Variants in KIF6 observed in about 807,000 individuals in gnomAD.
The protein encoded by KIF6 is kinesin family member 6.
In KIF6, 106 loss-of-function variants were observed where a neutral mutation model predicts 112.7. The observed-to-expected ratio is 0.94, with a 90% CI of 0.80 to 1.11. KIF6 has a LOEUF of 1.11. KIF6 is among the 50% of genes least tolerant of loss of function. The probability of loss-of-function intolerance (pLI) is 0.00; values close to 1 mark genes in which losing one functional copy is unlikely to be tolerated. For missense variants in KIF6, 929 were observed against 964.0 expected (o/e 0.96, Z 0.48); for synonymous variants, 339 against 339.9 (o/e 1.00, Z 0.03).
chr6:39,391,530 G>A (rs1309644210), intron 15 of KIF6, among the ~76,000 whole-genome samples: 3 of 152,182 alleles, frequency 2.0e-5, no homozygotes, highest in South Asian at 2.1e-4. Context: ...GTACTGTTAC[G>A]GAGCAGTCAC....
intron 13 of KIF6, among the ~76,000 whole-genome samples, chr6:39,452,960 G>A (rs767837035): frequency 1.3e-5 from 2 of 152,218 alleles, no homozygotes; most frequent in African/African-American, 4.8e-5. Flanking sequence ...GGTCAAGGAA[G>A]AAACATCTTT....
intron 3 of KIF6, among the ~76,000 whole-genome samples, chr6:39,659,462 T>G (rs1276390068): frequency 6.6e-6 from 1 of 152,190 alleles, no homozygotes; most frequent in Non-Finnish European, 1.5e-5. Context: ...ACCTTATTAA[T>G]GAATGATCAA....
At chr6:39,628,870 C>G (rs1323844667) in intron 5 of KIF6, among the ~76,000 whole-genome samples, 1 of 152,052 alleles carries the variant, frequency 6.6e-6, no homozygotes, top group African/African-American at 2.4e-5. Context: ...AATCACTGAT[C>G]ATTTCACTGT....
chr6:39,494,326 A>G (rs1255968366), intron 13 of KIF6, among the ~76,000 whole-genome samples: 1 of 152,244 alleles, frequency 6.6e-6, no homozygotes, highest in Non-Finnish European at 1.5e-5. Flanking sequence ...GGATGTTTAT[A>G]CATTAAGAAG....
chr6:39,672,209 T>G (rs890303908), intron 3 of KIF6, among the ~76,000 whole-genome samples: 6 of 152,228 alleles, frequency 3.9e-5, no homozygotes, highest in African/African-American at 1.4e-4. Context: ...CTCAAATTCC[T>G]GTGCTCAAGT....
rs1396568142 is a variant in KIF6 at position 39,346,140 on chromosome 6, T to C, written c.2231+336A>G. ...CCCTCTCCCTCCCTCTCCCTCTCTC[T>C]CTCTCTCTCTCTCTCTCTCTCTTTC... is the stretch of plus-strand genomic sequence containing the variant. On this transcript the variant is annotated intron_variant, in intron 20 of 22. Coordinates refer to ENST00000287152, the MANE Select transcript of KIF6 (RefSeq NM_145027.6). Among the ~76,000 whole-genome samples, 40 of 114,672 alleles carry C rather than the reference T, an allele frequency of 3.5e-4. 4 individuals carry two copies. The highest frequency in any genetic ancestry group is 1.2e-3 in the African/African-American group (36 of 29,678). The allele number at this position is 114,672 out of a possible 152,430, so 75.2% of individuals were successfully genotyped here. A position where few individuals can be genotyped will look rare whatever the true frequency, so the allele number is the denominator to read the frequency against.
intron 6 of KIF6, among the ~76,000 whole-genome samples, chr6:39,609,382 T>A (rs1783080568): frequency 6.6e-6 from 1 of 152,182 alleles, no homozygotes; most frequent in Admixed American, 6.5e-5. Flanking sequence ...ATACAGCATA[T>A]TATTGCTCCA....
chr6:39,364,040 C>G (rs1190370022), intron 16 of KIF6, among the ~76,000 whole-genome samples: 1 of 152,020 alleles, frequency 6.6e-6, no homozygotes, highest in Non-Finnish European at 1.5e-5. Context: ...TCTTCTTAAT[C>G]TGATGGTCCC....
chr6:39,379,100 T>C (rs74536884), intron 16 of KIF6, among the ~76,000 whole-genome samples: 6,891 of 152,306 alleles, frequency 0.045, 497 homozygotes, highest in African/African-American at 0.16. Flanking sequence ...CTGGCTTGTA[T>C]TTAGTTCCAG....
intron 16 of KIF6, among the ~76,000 whole-genome samples, chr6:39,373,282 G>A (rs1241687341): frequency 6.6e-6 from 1 of 152,202 alleles, no homozygotes; most frequent in Non-Finnish European, 1.5e-5. Context: ...CTTCTTGGAT[G>A]TGATTGCGTT....
chr6:39,344,257 C>A (rs535063384), intron 21 of KIF6, among the ~76,000 whole-genome samples: 1 of 152,182 alleles, frequency 6.6e-6, no homozygotes, highest in East Asian at 1.9e-4. Flanking sequence ...CCATGTAAGA[C>A]GTGCCTTTCA....
intron 3 of KIF6, among the ~76,000 whole-genome samples, chr6:39,672,348 A>G (rs561815466): frequency 6.6e-6 from 1 of 152,338 alleles, no homozygotes; most frequent in South Asian, 2.1e-4. Flanking sequence ...CGTTTTGCTT[A>G]AAGCCATAGT....
At chr6:39,362,109 AGGACTCGGAGGGAAGT>A (rs1324143908) in intron 17 of KIF6, among the ~76,000 whole-genome samples, 1 of 152,136 alleles carries the variant, frequency 6.6e-6, no homozygotes, top group Admixed American at 6.5e-5. Context: ...TGACGTTCTC[AGGACTCGGAGGGAAGT>A]GGACTTCAGC....
intron 13 of KIF6, among the ~76,000 whole-genome samples, chr6:39,519,131 G>C (rs9357309): frequency 0.045 from 6,789 of 152,166 alleles, 288 homozygotes; most frequent in East Asian, 0.25. Flanking sequence ...AAGTTGGAGT[G>C]GGGGGTACCG....
Position 39,725,407 on chromosome 6 carries a change from G to A in KIF6, c.-97C>T, listed in dbSNP as rs1790491287. The A allele has an allele frequency of 2.2e-6, 2 of 928,888 alleles. No homozygotes were observed. The highest frequency in any genetic ancestry group is 1.7e-5 in the African/African-American group (1 of 58,708). The allele number at this position is 928,888 out of a possible 1,614,324, so 57.5% of individuals were successfully genotyped here. A position where few individuals can be genotyped will look rare whatever the true frequency, so the allele number is the denominator to read the frequency against. On this transcript the variant is annotated 5_prime_UTR_variant, in exon 1 of 23. Transcript: ENST00000287152. ...CCGGCGACCCACAGTCTTAGCAACA[G>A]TAGCTAGGGACACTACCCAGTGAGC... is the stretch of plus-strand genomic sequence containing the variant.
rs985312577 is a variant in KIF6 at position 39,587,262 on chromosome 6, A to G, written c.847-858T>C. ...GCAGCAGGAATCAGCCACCCACAGGATGTGTCTTTAAGGGCATCACAAAGC... is the reference window on the plus strand; with the variant it reads ...GCAGCAGGAATCAGCCACCCACAGGGTGTGTCTTTAAGGGCATCACAAAGC... On this transcript the variant is annotated intron_variant, in intron 7 of 22. Transcript: ENST00000287152. 2.6e-5 allele frequency among the ~76,000 whole-genome samples: 4 copies of G among 152,124 alleles called. No individual in the cohort carries two copies. In the South Asian group the frequency reaches 8.3e-4, roughly 32 times the overall value.
intron 5 of KIF6, among the ~76,000 whole-genome samples, chr6:39,632,405 T>C (rs969349055): frequency 6.6e-6 from 1 of 151,830 alleles, no homozygotes; most frequent in Non-Finnish European, 1.5e-5. Context: ...TGACTATGAG[T>C]GGGGATCAAG....
intron 2 of KIF6, among the ~76,000 whole-genome samples, chr6:39,716,773 T>G (rs570213214): frequency 6.6e-6 from 1 of 152,268 alleles, no homozygotes; most frequent in South Asian, 2.1e-4. Context: ...TAAACTCCAT[T>G]TCAAACTCAG....
At chr6:39,425,077 G>A (rs1770665246) in intron 14 of KIF6, among the ~76,000 whole-genome samples, 1 of 152,126 alleles carries the variant, frequency 6.6e-6, no homozygotes, top group South Asian at 2.1e-4. Flanking sequence ...GGGATCATGG[G>A]CAGTGGCTGC....
Sources: gnomAD v4.1 joint callset for allele counts (sites outside exome capture counted in the v4.1 genomes callset) on GRCh38, gnomAD v4.1.1 for gene constraint, MANE v1.5 for transcripts, NCBI Gene and HGNC (gene_info 2026-07-23, HGNC 2026-07-21) for gene names.